The following PDXK variants were observed in gnomAD, a reference collection of about 807,000 sequenced individuals.
The protein encoded by PDXK is pyridoxal kinase, also known as epididymis secretory sperm binding protein Li 1a.
PDXK carries 15 observed loss-of-function variants against 43.2 expected under a neutral mutation model. That is an observed-to-expected ratio of 0.35 (90% CI 0.23 to 0.53). The LOEUF is 0.53. Among genes scored for constraint, PDXK ranks in the 20% least tolerant of loss-of-function variants. The pLI is 0.92. For missense variants in PDXK, 343 were observed against 417.0 expected, an observed-to-expected ratio of 0.82 and a Z score of 1.54; for synonymous variants, 172 against 165.4, an observed-to-expected ratio of 1.04 and a Z score of -0.31.
chr21:43,726,012 T>TTCTC lies in PDXK; in HGVS notation c.87+6655_87+6658dup, dbSNP rs60147387. Among the ~76,000 whole-genome samples the TTCTC allele has an allele frequency of 9.2e-3, 1,360 of 147,824 alleles. 13 individuals carry two copies. Among genetic ancestry groups the TTCTC allele is most frequent in the African/African-American group, 0.02 (817 of 40,366 alleles). On this transcript the variant is annotated intron_variant, in intron 1 of 10. Transcript: ENST00000291565. ...TGGCTTTCCTCCCGTCTAGCTGGGA[T>TTCTC]TCTCTCTCTCTCTCTCTCTCTCTCT...
At chr21:43,740,261 C>T (rs989151628) in intron 2 of PDXK, among the ~76,000 whole-genome samples, 4 of 152,146 alleles carry the variant, frequency 2.6e-5, no homozygotes, top group Non-Finnish European at 5.9e-5. Context: ...GAGCCAGCGA[C>T]TGGTACGCAG....
Position 43,737,072 on chromosome 21 carries a change from A to C in PDXK, c.142+2949A>C. 1.3e-6 allele frequency: 1 copy of C among 768,916 alleles called. No homozygotes were observed. The highest frequency in any genetic ancestry group is 2.7e-5 in the East Asian group (1 of 37,560). The allele number at this position is 768,916 out of a possible 1,614,324, so 47.6% of individuals were successfully genotyped here. On this transcript the variant is annotated intron_variant, in intron 2 of 10. Coordinates refer to ENST00000291565, the MANE Select transcript of PDXK (RefSeq NM_003681.5). The surrounding 1 kb of genome is among the most constrained non-coding windows in gnomAD (Gnocchi z 4.8). ...CTCCACCTCCCGAGTGGCTGGGACTATAGTTGTGCACCAGCACGCCCACCT... is the reference window on the plus strand; with the variant it reads ...CTCCACCTCCCGAGTGGCTGGGACTCTAGTTGTGCACCAGCACGCCCACCT...
chr21:43,753,536 C>A, intron 8 of PDXK, 47 bp from the exon 9 acceptor site: 2 of 1,573,090 alleles, frequency 1.3e-6, no homozygotes, highest in South Asian at 1.2e-5. Flanking sequence ...CTGGCCCTGG[C>A]AGAGGAGCGG....
At chr21:43,727,120 G>A (rs561126724) in intron 1 of PDXK, among the ~76,000 whole-genome samples, 12 of 152,320 alleles carry the variant, frequency 7.9e-5, no homozygotes, top group African/African-American at 2.6e-4. Flanking sequence ...GGGCGGATCC[G>A]CAGAACGGGC....
At chr21:43,722,211 C>T (rs980370231) in intron 1 of PDXK, among the ~76,000 whole-genome samples, 2 of 152,162 alleles carry the variant, frequency 1.3e-5, no homozygotes, top group Admixed American at 1.3e-4. Flanking sequence ...TGCCCTTCCA[C>T]ATTGCTAGGA....
intron 1 of PDXK, among the ~76,000 whole-genome samples, chr21:43,720,474 A>G (rs1004572158): frequency 6.6e-6 from 1 of 152,164 alleles, no homozygotes; most frequent in African/African-American, 2.4e-5. Context: ...GACCAAGCTG[A>G]GCAGAGTTGA....
intron 5 of PDXK, 119 bp from the exon 6 acceptor site, chr21:43,748,876 T>G: frequency 3.0e-6 from 2 of 674,136 alleles, no homozygotes; most frequent in Non-Finnish European, 5.3e-6. Flanking sequence ...GCCTGGCCCC[T>G]GAGCCTGGAC....
intron 1 of PDXK, among the ~76,000 whole-genome samples, chr21:43,726,769 CAT>C (rs920271684): frequency 3.9e-5 from 6 of 152,030 alleles, no homozygotes; most frequent in Non-Finnish European, 5.9e-5. Context: ...CACATCGGTG[CAT>C]GTGTGTGTGT....
At chr21:43,750,398 A>T in intron 6 of PDXK, 102 bp from the exon 7 acceptor site, 1 of 1,014,438 alleles carries the variant, frequency 9.9e-7, no homozygotes, top group Non-Finnish European at 1.5e-6. Flanking sequence ...GCCTGTGGGG[A>T]TGGGGATTTC....
intron 7 of PDXK, among the ~76,000 whole-genome samples, chr21:43,751,942 CA>C (rs2083757487): frequency 6.6e-6 from 1 of 152,218 alleles, no homozygotes. Flanking sequence ...CTTCACAACC[CA>C]GGAGCCTGGT....
intron 1 of PDXK, among the ~76,000 whole-genome samples, chr21:43,725,668 G>A (rs758858007): frequency 1.3e-5 from 2 of 151,986 alleles, no homozygotes; most frequent in Non-Finnish European, 2.9e-5. Flanking sequence ...AAAATTAGCC[G>A]GGCGTGGTGG....
At position 43,737,533 on chromosome 21, in the gene PDXK, T is replaced by A. The variant is rs2083425885; in HGVS notation, c.142+3410T>A. 9.8e-7 allele frequency: 1 copy of A among 1,022,456 alleles called. No individual in the cohort carries two copies. The highest frequency in any genetic ancestry group is 4.9e-4 in the Middle Eastern group (1 of 2,048). 63.3% of individuals were successfully genotyped at this position (1,022,456 alleles called of 1,614,324 possible). A position where few individuals can be genotyped will look rare whatever the true frequency, so the allele number is the denominator to read the frequency against. On this transcript the variant is annotated intron_variant, in intron 2 of 10. Coordinates refer to ENST00000291565, the MANE Select transcript of PDXK (RefSeq NM_003681.5). The surrounding 1 kb of genome is among the most constrained non-coding windows in gnomAD (Gnocchi z 4.8). ...AGCTGGAGGTCAGCGGGTGGACGGG[T>A]TGCGCTGTCCTGGCTTTCGGAGTGT...
rs761191519 is a variant in PDXK, at chr21:43,740,413, C to A, written c.143-1254C>A. 8.5e-5 allele frequency among the ~76,000 whole-genome samples: 13 copies of A among 152,062 alleles called. 1 individual carries two copies. Among genetic ancestry groups the A allele is most frequent in the Non-Finnish European group, 1.8e-4 (12 of 67,942 alleles). ...TACTTGTACTTTGCTATTCTAGGAA[C>A]CCATACATCAGTTTTCCTTATTTGC... On this transcript the variant is annotated intron_variant, in intron 2 of 10. Coordinates refer to ENST00000291565, the MANE Select transcript of PDXK (RefSeq NM_003681.5).
rs1416450861 is a variant in PDXK at position 43,762,266 on chromosome 21, T to G, written c.*6203T>G. ...GTTTCGTGCTGGTCCTGTTGACTTG[T>G]ATGATATCCACAAATAAATATTTTC... On this transcript the variant is annotated 3_prime_UTR_variant, in exon 11 of 11. Transcript: ENST00000291565. 1 of 152,264 alleles carries G rather than the reference T, an allele frequency of 6.6e-6. No individual in the cohort carries two copies. Among genetic ancestry groups the G allele is most frequent in the Non-Finnish European group, 1.5e-5 (1 of 68,076 alleles). The allele number at this position is 152,264 out of a possible 1,614,324, so 9.4% of individuals were successfully genotyped here.
At chr21:43,738,462 C>T (rs1397291422) in intron 2 of PDXK, 2 of 152,148 alleles carry the variant, frequency 1.3e-5, no homozygotes, top group African/African-American at 2.4e-5. Context: ...GGGAAAAGGG[C>T]TTGTGGAATG....
chr21:43,749,193 C>G (rs1426534522), intron 6 of PDXK, 113 bp downstream of exon 6: 15 of 571,904 alleles, frequency 2.6e-5, no homozygotes, highest in Non-Finnish European at 3.6e-5. Flanking sequence ...CAACCTCTGT[C>G]TCCGGGGTTC....
chr21:43,748,752 T>C (rs565033056), intron 5 of PDXK, among the ~76,000 whole-genome samples: 6 of 151,664 alleles, frequency 4.0e-5, no homozygotes, highest in African/African-American at 1.2e-4. Flanking sequence ...GGGGACCCAC[T>C]GTGCGCCCTG....
chr21:43,752,171 A>G (rs2083764117), intron 7 of PDXK, among the ~76,000 whole-genome samples: 1 of 152,180 alleles, frequency 6.6e-6, no homozygotes, highest in Non-Finnish European at 1.5e-5. Flanking sequence ...CGGTGGAGAC[A>G]GTTTCTACGA....
In PDXK at chr21:43,732,397, G is replaced by A. The variant is rs545136138; in HGVS notation, c.88-1672G>A. On this transcript the variant is annotated intron_variant, in intron 1 of 10. Coordinates refer to ENST00000291565, the MANE Select transcript of PDXK (RefSeq NM_003681.5). The surrounding 1 kb of genome is among the most constrained non-coding windows in gnomAD (Gnocchi z 4.1). ...AGTTGGATGGGTAGACTCTGGAAGCGTCCAGACCAGCTTGCGATGCTGATG... is the reference window on the plus strand; with the variant it reads ...AGTTGGATGGGTAGACTCTGGAAGCATCCAGACCAGCTTGCGATGCTGATG... 5.6e-5 allele frequency: 90 copies of A among 1,612,862 alleles called. 1 individual carries two copies. In the South Asian group the frequency reaches 5.8e-4, roughly 10 times the overall value.
Sources: allele counts gnomAD v4.1 joint callset (sites outside exome capture counted in the v4.1 genomes callset), GRCh38; gene constraint gnomAD v4.1.1; non-coding constraint Gnocchi (gnomAD v3.1); transcripts MANE v1.5; gene names NCBI Gene and HGNC (gene_info 2026-07-23, HGNC 2026-07-21).